LRRC61: variants seen among roughly 807,000 people sequenced by gnomAD.
The protein encoded by LRRC61 is leucine rich repeat containing 61, also known as leucine-rich repeat-containing protein 61.
LRRC61 carries 9 observed loss-of-function variants against 15.1 expected under a neutral mutation model. The observed-to-expected ratio is 0.60, with a 90% CI of 0.36 to 1.04. The LOEUF (loss-of-function observed/expected upper bound fraction) is 1.04. Among genes scored for constraint, LRRC61 ranks in the 50% least tolerant of loss-of-function variants. The pLI is 0.01. For synonymous variants in LRRC61, 173 were observed against 158.6 expected (o/e 1.09, Z -0.68); for missense variants, 344 against 335.6 (o/e 1.03, Z -0.20).
At chr7:150,314,947 GT>G in the LRRC61 span, among the ~76,000 whole-genome samples, 37,990 of 146,756 alleles carry the variant, frequency 0.26, 5,103 homozygotes, top group East Asian at 0.42. Flanking sequence ...GCAAGACCCA[GT>G]TTCAACATAA....
chr7:150,337,118 G>T lies in LRRC61; in HGVS notation c.257G>T (p.Arg86Leu), dbSNP rs528644830. 2.6e-5 allele frequency: 42 copies of T among 1,612,036 alleles called. No homozygotes were observed. The highest frequency in any genetic ancestry group is 3.5e-5 in the Non-Finnish European group (41 of 1,179,874). Residue 86 changes from arginine (R) to leucine (L), a missense_variant, in exon 3 of 3, where the codon CGG becomes CTG. Arg to Leu is a moderately radical substitution (Grantham distance 102, BLOSUM62 -2). Transcript: ENST00000359623. ...QLAVLNVSNN[R>L]LTGLEPLATC... ...GCTGTGCTCAATGTCTCCAACAATC[G>T]GCTGACGGGCCTGGAGCCACTGGCC...
the LRRC61 span, among the ~76,000 whole-genome samples, chr7:150,310,243 A>G: frequency 2.0e-5 from 3 of 152,026 alleles, no homozygotes; most frequent in Non-Finnish European, 2.9e-5. Flanking sequence ...CTTAATCCAC[A>G]AGTATGGGAT....
At chr7:150,313,747 G>C in the LRRC61 span, among the ~76,000 whole-genome samples, 1 of 152,154 alleles carries the variant, frequency 6.6e-6, no homozygotes, top group Non-Finnish European at 1.5e-5. Context: ...TAGAAAGAGG[G>C]AGAGAGGGGG....
chr7:150,326,084 G>C (rs1406487549), intron 2 of LRRC61, 74 bp downstream of exon 2: 1 of 152,198 alleles, frequency 6.6e-6, no homozygotes, highest in Non-Finnish European at 1.5e-5. Context: ...GTCAGCCCGG[G>C]GGCCCCCCAG....
chr7:150,335,065 T>G lies in LRRC61; in HGVS notation c.-144-1653T>G, dbSNP rs368827652. ...AAAAAAAAAGAAAAAAAGGAGCCCC[T>G]GGCATACAGTCACCCAGCAAGATTC... On this transcript the variant is annotated intron_variant, in intron 2 of 2. Coordinates refer to ENST00000359623, the MANE Select transcript of LRRC61 (RefSeq NM_001142928.2). The surrounding 1 kb of genome is among the most constrained non-coding windows in gnomAD (Gnocchi z 4.3). 1.2e-4 allele frequency among the ~76,000 whole-genome samples: 18 copies of G among 149,618 alleles called. No homozygotes were observed. The South Asian group carries it at 3.6e-3, about 30-fold the overall frequency.
intron 1 of LRRC61, among the ~76,000 whole-genome samples, 154 bp from the exon 2 acceptor site, chr7:150,325,687 T>TCTCAAC (rs1797945323): frequency 6.6e-6 from 1 of 152,160 alleles, no homozygotes; most frequent in Non-Finnish European, 1.5e-5. Context: ...CCCAAGCTGG[T>TCTCAAC]CTCAACCCCC....
At chr7:150,326,736 C>A (rs1191290444) in intron 2 of LRRC61, among the ~76,000 whole-genome samples, 5 of 151,636 alleles carry the variant, frequency 3.3e-5, no homozygotes, top group Non-Finnish European at 7.4e-5. Flanking sequence ...CAGATGGCCT[C>A]TGGAGGCCTG....
chr7:150,318,265 C>T (rs973716823), upstream of LRRC61, among the ~76,000 whole-genome samples: 12 of 152,102 alleles, frequency 7.9e-5, no homozygotes, highest in African/African-American at 2.4e-4. Flanking sequence ...CCAAAAGACA[C>T]GAGGGATTTC....
At position 150,337,587 on chromosome 7, in the gene LRRC61, C is replaced by A; in HGVS notation, c.726C>A (p.Ala242=). ...DLDRQASDSL[A]QAEQVLSSAG... ...ACCGCCAGGCCAGCGACAGCCTGGCCCAGGCGGAGCAGGTACTCAGCTCTG... is the reference window on the plus strand; with the variant it reads ...ACCGCCAGGCCAGCGACAGCCTGGCACAGGCGGAGCAGGTACTCAGCTCTG... The change falls in exon 3 of 3, where the codon GCC becomes GCA. Residue 242 remains alanine (A), a synonymous_variant. Coordinates refer to ENST00000359623, the MANE Select transcript of LRRC61 (RefSeq NM_001142928.2). 1 of 1,572,444 alleles carries A rather than the reference C, an allele frequency of 6.4e-7. No individual in the cohort carries two copies.
the LRRC61 span, among the ~76,000 whole-genome samples, chr7:150,316,483 A>ATTTT: frequency 5.0e-5 from 4 of 80,522 alleles, no homozygotes; most frequent in Admixed American, 1.3e-4. Flanking sequence ...GAATCTGGTT[A>ATTTT]TTTTTTTTTT....
chr7:150,320,071 T>G (rs560976122), upstream of LRRC61, among the ~76,000 whole-genome samples: 9 of 152,342 alleles, frequency 5.9e-5, no homozygotes, highest in Admixed American at 5.9e-4. Context: ...GGATTAACGC[T>G]GGAAAGGGAC....
the LRRC61 span, among the ~76,000 whole-genome samples, chr7:150,316,207 A>C: frequency 2.0e-5 from 3 of 152,220 alleles, no homozygotes; most frequent in Admixed American, 6.5e-5. Context: ...CAAAAAACAA[A>C]CAAACAACAA....
chr7:150,319,255 T>C (rs1797243726), upstream of LRRC61, among the ~76,000 whole-genome samples: 1 of 151,646 alleles, frequency 6.6e-6, no homozygotes, highest in Admixed American at 6.6e-5. Flanking sequence ...CTAGGCAGGA[T>C]GGAGTCCAAT....
rs780713686 is a variant in LRRC61 at position 150,337,483 on chromosome 7, T to A, written c.622T>A (p.Trp208Arg). ...PWVEPGYWES[W>R]PSRSSSILEE... ...GGTGGAGCCAGGCTACTGGGAGTCCTGGCCCAGCCGGAGCAGCTCCATCCT... is the reference window on the plus strand; with the variant it reads ...GGTGGAGCCAGGCTACTGGGAGTCCAGGCCCAGCCGGAGCAGCTCCATCCT... The change falls in exon 3 of 3, where the codon TGG (tryptophan) becomes AGG (arginine). Residue 208 changes from tryptophan to arginine, a missense_variant. By Grantham distance (101) the Trp-to-Arg change is moderately radical. Transcript: ENST00000359623. The A allele has an allele frequency of 6.2e-7, 1 of 1,602,712 alleles. No individual in the cohort carries two copies. The highest frequency in any genetic ancestry group is 2.2e-5 in the East Asian group (1 of 44,844).
rs1798057551 is a variant in LRRC61, at chr7:150,330,091, TG to T, written c.-145+4082del. The T allele has an allele frequency of 8.6e-6, 3 of 346,958 alleles. No homozygotes were observed. Among genetic ancestry groups the T allele is most frequent in the African/African-American group, 6.4e-5 (3 of 46,822 alleles). The allele number at this position is 346,958 out of a possible 1,614,324, so 21.5% of individuals were successfully genotyped here. On this transcript the variant is annotated intron_variant, in intron 2 of 2. Transcript: ENST00000359623. The surrounding 1 kb of genome is among the most constrained non-coding windows in gnomAD (Gnocchi z 4.6). The stretch of plus-strand genomic sequence containing the variant: ...CTCGACTCCCTGGTGAGAAACTTTC[TG>T]TGTCACCCTCACAGTGTCCAGATCA...
In LRRC61 at chr7:150,337,290, C is replaced by G. The variant is rs200469711; in HGVS notation, c.429C>G (p.Asn143Lys). ...GGCTCAGCAACCCGCTCTGTGCCAA[C>G]CCCTCCTACTGGGCTGCAGTCCGGG... ...LARLSNPLCA[N>K]PSYWAAVREL... is the part of the protein sequence containing the mutation. The change falls in exon 3 of 3, where the codon AAC (asparagine) becomes AAG (lysine). Residue 143 changes from asparagine to lysine, a missense_variant. Coordinates refer to ENST00000359623, the MANE Select transcript of LRRC61 (RefSeq NM_001142928.2). 9 of 1,603,456 alleles carry G rather than the reference C, an allele frequency of 5.6e-6. No individual in the cohort carries two copies. The East Asian group carries it at 1.8e-4, about 32-fold the overall frequency.
In LRRC61 at chr7:150,335,122, C is replaced by G. The variant is rs12672963; in HGVS notation, c.-144-1596C>G. Among the ~76,000 whole-genome samples the G allele has an allele frequency of 0.039, 5,914 of 152,138 alleles. 252 individuals carry two copies. Among genetic ancestry groups the G allele is most frequent in the East Asian group, 0.13 (669 of 5,182 alleles). On this transcript the variant is annotated intron_variant, in intron 2 of 2. Transcript: ENST00000359623. This position sits in a 1 kb window ranked among gnomAD's most constrained non-coding sequence, Gnocchi z 4.3. ...CGTCCTAGGCTCTTTTTCCTCCTCC[C>G]CATTGCTTCCTGCCCTCCTTAGGGC... is the stretch of plus-strand genomic sequence containing the variant.
chr7:150,316,560 AC>A, the LRRC61 span, among the ~76,000 whole-genome samples: 1 of 139,392 alleles, frequency 7.2e-6, no homozygotes, highest in Non-Finnish European at 1.5e-5. Flanking sequence ...ATCTCAGCTC[AC>A]TGCAACCTCT....
At chr7:150,320,716 T>C (rs762071238), upstream of LRRC61, among the ~76,000 whole-genome samples, 4 of 152,236 alleles carry the variant, frequency 2.6e-5, no homozygotes, top group Admixed American at 6.5e-5. Context: ...TGAGCCGAGA[T>C]GGTGGCATTG....
Sources: gnomAD v4.1 joint callset for allele counts (sites outside exome capture counted in the v4.1 genomes callset) on GRCh38, gnomAD v4.1.1 for gene constraint, Gnocchi (gnomAD v3.1) non-coding constraint, MANE v1.5 for transcripts, NCBI Gene and HGNC (gene_info 2026-07-23, HGNC 2026-07-21) for gene names.